P4HA3: variants seen among roughly 807,000 people sequenced by gnomAD.
The protein encoded by P4HA3 is prolyl 4-hydroxylase subunit alpha-3.
In P4HA3, 60 loss-of-function variants were observed where a neutral mutation model predicts 66.7. That is an observed-to-expected ratio of 0.90 (90% CI 0.73 to 1.12). The LOEUF is 1.12. P4HA3 is among the 50% of genes most tolerant of loss of function. The pLI is 0.00. For synonymous variants in P4HA3, 263 were observed against 274.6 expected (o/e 0.96, Z 0.42); for missense variants, 683 against 685.8 (o/e 1.00, Z 0.05).
intron 2 of P4HA3, 138 bp from the exon 3 acceptor site, chr11:74,302,730 C>G: frequency 1.4e-6 from 1 of 739,554 alleles, no homozygotes; most frequent in South Asian, 1.9e-5. Context: ...GAGGCAAGCA[C>G]AGTTCCTGGC....
chr11:74,290,570 G>A lies in P4HA3; in HGVS notation c.718-1440C>T, dbSNP rs542819278. 3.0e-3 allele frequency among the ~76,000 whole-genome samples: 448 copies of A among 151,580 alleles called. 4 individuals are homozygous for A. The highest frequency in any genetic ancestry group is 9.8e-3 in the African/African-American group (406 of 41,286). The stretch of plus-strand genomic sequence containing the variant: ...CTAGGTTTTCTTCTAGGGTTTTTAC[G>A]GTTTTAGGTCTAACATTTAAGTCTT... On this transcript the variant is annotated intron_variant, in intron 4 of 12. Transcript: ENST00000331597.
chr11:74,301,757 G>A (rs1016988048), intron 3 of P4HA3, among the ~76,000 whole-genome samples: 1 of 152,140 alleles, frequency 6.6e-6, no homozygotes, highest in African/African-American at 2.4e-5. Context: ...CAGATGGGGG[G>A]CGGGGGTGTT....
At chr11:74,262,802 A>T (rs1367089554), downstream of P4HA3, among the ~76,000 whole-genome samples, 1 of 152,188 alleles carries the variant, frequency 6.6e-6, no homozygotes, top group Non-Finnish European at 1.5e-5. Context: ...CAGCTTGAGC[A>T]GCCAAGGCCC....
intron 1 of P4HA3, among the ~76,000 whole-genome samples, chr11:74,305,535 G>A (rs903522383): frequency 6.6e-6 from 1 of 152,068 alleles, no homozygotes; most frequent in African/African-American, 2.4e-5. Flanking sequence ...TATGCTATAT[G>A]GTTTCTTAAG....
rs769650696 is a variant in P4HA3, at chr11:74,302,580, C to T, written c.356G>A (p.Gly119Asp). The T allele has an allele frequency of 6.2e-7, 1 of 1,613,766 alleles. No individual in the cohort carries two copies. The highest frequency in any genetic ancestry group is 2.2e-5 in the East Asian group (1 of 44,884). Reference protein sequence around the residue: ...ASENIRALKDGYEKVEQDLPA... With the variant: ...ASENIRALKDDYEKVEQDLPA... ...AAGGTCTTGCTCCACCTTCTCATAGCCATCCTTCAGAGCTGTAAAAGTAGT... is the reference window on the plus strand; with the variant it reads ...AAGGTCTTGCTCCACCTTCTCATAGTCATCCTTCAGAGCTGTAAAAGTAGT... Residue 119 changes from glycine (G) to aspartate (D), a missense_variant, in exon 3 of 13, where the codon GGC (glycine) becomes GAC (aspartate). Coordinates refer to ENST00000331597, the MANE Select transcript of P4HA3 (RefSeq NM_182904.5).
rs568644548 is a variant in P4HA3 at position 74,306,931 on chromosome 11, G to C, written c.201-2519C>G. On this transcript the variant is annotated intron_variant, in intron 1 of 12. Coordinates refer to ENST00000331597, the MANE Select transcript of P4HA3 (RefSeq NM_182904.5). The stretch of plus-strand genomic sequence containing the variant: ...GTTTTGAAATGAAACCAGCCTCCAG[G>C]GTGTGGGATCTTTACTACCCATTGT... 5.0e-4 allele frequency among the ~76,000 whole-genome samples: 76 copies of C among 152,268 alleles called. No homozygotes were observed. The South Asian group carries it at 0.015, about 30-fold the overall frequency.
intron 4 of P4HA3, among the ~76,000 whole-genome samples, chr11:74,290,388 G>A (rs1451299309): frequency 6.7e-6 from 1 of 150,210 alleles, no homozygotes; most frequent in African/African-American, 2.4e-5. Flanking sequence ...CTCCCATTTT[G>A]TAGGTTGCCT....
chr11:74,269,599 G>A (rs1336073297), intron 11 of P4HA3, 53 bp downstream of exon 11: 5 of 1,562,520 alleles, frequency 3.2e-6, no homozygotes, highest in South Asian at 1.1e-5. Context: ...AAGGTTAGAG[G>A]GTAAGCGCTG....
At chr11:74,281,105 C>CA (rs1860577296) in intron 7 of P4HA3, among the ~76,000 whole-genome samples, 1 of 152,042 alleles carries the variant, frequency 6.6e-6, no homozygotes, top group Admixed American at 6.5e-5. Flanking sequence ...TTTATGCAGC[C>CA]AAAAAACACA....
At chr11:74,280,209 A>G (rs767455062) in intron 7 of P4HA3, among the ~76,000 whole-genome samples, 27 of 152,144 alleles carry the variant, frequency 1.8e-4, no homozygotes, top group Non-Finnish European at 2.2e-4. Context: ...GCTGGAGTGC[A>G]CTAGTACGAT....
At chr11:74,283,213 T>C (rs1860668781) in intron 7 of P4HA3, among the ~76,000 whole-genome samples, 1 of 152,116 alleles carries the variant, frequency 6.6e-6, no homozygotes, top group Non-Finnish European at 1.5e-5. Context: ...GATCTGTGCA[T>C]GCTAAATGGA....
rs533217885 is a variant in P4HA3 at position 74,308,043 on chromosome 11, A to G, written c.200+3369T>C. Among the ~76,000 whole-genome samples, 126 of 152,324 alleles carry G rather than the reference A, an allele frequency of 8.3e-4. 2 individuals carry two copies. The highest frequency in any genetic ancestry group is 2.4e-4 in the Non-Finnish European group (16 of 68,030). On this transcript the variant is annotated intron_variant, in intron 1 of 12. Coordinates refer to ENST00000331597, the MANE Select transcript of P4HA3 (RefSeq NM_182904.5). ...ATACTGGCATATAACTATATATACT[A>G]TAACAAGTATAATTTTTATTCATTA...
At chr11:74,299,528 G>A (rs1861334670) in intron 3 of P4HA3, among the ~76,000 whole-genome samples, 2 of 152,116 alleles carry the variant, frequency 1.3e-5, no homozygotes, top group South Asian at 2.1e-4. Flanking sequence ...TTCATGCCAA[G>A]TTAATTTGTT....
chr11:74,286,357 C>G lies in P4HA3; in HGVS notation c.804G>C (p.Leu268Phe), dbSNP rs1860801711. The change falls in exon 6 of 13, where the codon TTG (leucine) becomes TTC (phenylalanine). Residue 268 changes from leucine (L) to phenylalanine (F), a missense_variant. Physicochemically the swap from Leu to Phe is conservative, Grantham distance 22. Transcript: ENST00000331597. Reference sequence around the variant, plus strand: ...TCTCTGCCAAGAGCCTTTCATATTTCAAGACATTCCTGGCCATCCTCTTAT... The same window carrying G: ...TCTCTGCCAAGAGCCTTTCATATTTGAAGACATTCCTGGCCATCCTCTTAT... ...PDNKRMARNV[L>F]KYERLLAESP... is the part of the protein sequence containing the mutation. 1 of 1,572,108 alleles carries G rather than the reference C, an allele frequency of 6.4e-7. No homozygotes were observed. The highest frequency in any genetic ancestry group is 2.3e-5 in the East Asian group (1 of 44,132).
chr11:74,282,086 A>G (rs1282335717), intron 7 of P4HA3, among the ~76,000 whole-genome samples: 1 of 150,636 alleles, frequency 6.6e-6, no homozygotes, highest in African/African-American at 2.4e-5. Context: ...AACTCATAGA[A>G]GAGAGATGCT....
chr11:74,309,308 T>C (rs1861657942), intron 1 of P4HA3, among the ~76,000 whole-genome samples: 1 of 152,156 alleles, frequency 6.6e-6, no homozygotes, highest in Non-Finnish European at 1.5e-5. Context: ...TCAGATGAGA[T>C]ATGGTTTGTA....
In P4HA3 at chr11:74,302,484, A is replaced by C. The variant is rs765000520; in HGVS notation, c.452T>G (p.Val151Gly). 1 of 1,614,196 alleles carries C rather than the reference A, an allele frequency of 6.2e-7. No individual in the cohort carries two copies. The highest frequency in any genetic ancestry group is 1.7e-5 in the Admixed American group (1 of 60,018). ...MRLQDVYMLN[V>G]KGLARGVFQR... is the part of the protein sequence containing the mutation. ...AAAGACACCTCGGGCCAGGCCTTTC[A>C]CATTGAGCATGTACACGTCCTGCAG... The change falls in exon 3 of 13, where the codon GTG becomes GGG. Residue 151 changes from valine (V) to glycine (G), a missense_variant. Val to Gly is a moderately radical substitution (Grantham distance 109). Coordinates refer to ENST00000331597, the MANE Select transcript of P4HA3 (RefSeq NM_182904.5).
Position 74,272,295 on chromosome 11 carries a change from T to C in P4HA3, c.1398+1250A>G, listed in dbSNP as rs916177407. ...TCTTATACCCACGCTACCTTCGCTA[T>C]AGTAACTGGGGCCCTGTAACCAGGG... On this transcript the variant is annotated intron_variant, in intron 10 of 12. Coordinates refer to ENST00000331597, the MANE Select transcript of P4HA3 (RefSeq NM_182904.5). Among the ~76,000 whole-genome samples the C allele has an allele frequency of 6.6e-5, 10 of 152,104 alleles. No homozygotes were observed. In the South Asian group the frequency reaches 2.1e-3, roughly 32 times the overall value.
At chr11:74,273,285 T>C (rs1418314157) in intron 10 of P4HA3, among the ~76,000 whole-genome samples, 4 of 152,132 alleles carry the variant, frequency 2.6e-5, no homozygotes, top group Non-Finnish European at 5.9e-5. Context: ...GAGCTCCACT[T>C]CCCATCCTAA....
Sources: gnomAD v4.1 joint callset for allele counts (sites outside exome capture counted in the v4.1 genomes callset) on GRCh38, gnomAD v4.1.1 for gene constraint, MANE v1.5 for transcripts, NCBI Gene and HGNC (gene_info 2026-07-23, HGNC 2026-07-21) for gene names.